Variants in CLN6 observed in about 807,000 individuals in gnomAD.
CLN6 encodes CLN6 transmembrane ER protein, also known as ceroid-lipofuscinosis neuronal protein 6.
A neutral mutation model predicts 33.3 loss-of-function variants in CLN6; 22 were observed. That is an observed-to-expected ratio of 0.66 (90% CI 0.47 to 0.94). The LOEUF is 0.94. Among genes scored for constraint, CLN6 ranks in the 40% least tolerant of loss-of-function variants. The pLI, the probability that CLN6 is intolerant of heterozygous loss-of-function variation, is 0.00. For missense variants in CLN6, 387 were observed against 417.1 expected, an observed-to-expected ratio of 0.93 and a Z score of 0.63; for synonymous variants, 201 against 174.6, an observed-to-expected ratio of 1.15 and a Z score of -1.19.
Position 68,209,051 on chromosome 15 carries a change from G to A in CLN6, c.665+586C>T, listed in dbSNP as rs2141136716. On this transcript the variant is annotated intron_variant, in intron 6 of 6. Transcript: ENST00000249806. This position sits in a 1 kb window ranked among gnomAD's most constrained non-coding sequence, Gnocchi z 4.9. The stretch of plus-strand genomic sequence containing the variant: ...CCCAGGGTGACCTGTCTCCAGGGCA[G>A]AAGTGACAGACGAGGGCTAGGAGAC... Among the ~76,000 whole-genome samples, 1 of 152,326 alleles carries A rather than the reference G, an allele frequency of 6.6e-6. No homozygotes were observed. Among genetic ancestry groups the A allele is most frequent in the Middle Eastern group, 3.4e-3 (1 of 294 alleles).
intron 2 of CLN6, chr15:68,215,505 T>G (rs2093218307): frequency 6.6e-6 from 1 of 152,116 alleles, no homozygotes; most frequent in Non-Finnish European, 1.5e-5. Flanking sequence ...TTTTTTTTTC[T>G]TTTTTCTTTT....
rs2093204196 is a variant in CLN6 at position 68,211,269 on chromosome 15, C to T, written c.536G>A (p.Cys179Tyr). Residue 179 changes from cysteine (C) to tyrosine (Y), a missense_variant, in exon 5 of 7, where the codon TGC becomes TAC. By Grantham distance (194) the Cys-to-Tyr change is radical. Transcript: ENST00000249806. The surrounding 1 kb of genome is among the most constrained non-coding windows in gnomAD (Gnocchi z 5.9). ...AGATGGGCCCATCACTCACCACATG[C>T]AGTGACCCAGGTACTCATCATAATA... is the stretch of plus-strand genomic sequence containing the variant. ...LYYYDEYLGH[C>Y]MWYIPFFLIL... The T allele has an allele frequency of 1.2e-6, 2 of 1,613,906 alleles. No homozygotes were observed. The highest frequency in any genetic ancestry group is 1.7e-5 in the Admixed American group (1 of 60,012).
intron 1 of CLN6, chr15:68,254,957 T>A (rs1892419260): frequency 1.1e-6 from 1 of 899,884 alleles, no homozygotes; most frequent in Non-Finnish European, 1.8e-6. Context: ...CAGTTTGAAA[T>A]GCTATTTTTT....
Position 68,209,498 on chromosome 15 carries a change from T to A in CLN6, c.665+139A>T. The A allele has an allele frequency of 2.5e-6, 3 of 1,210,712 alleles. No homozygotes were observed. Among genetic ancestry groups the A allele is most frequent in the Non-Finnish European group, 3.6e-6 (3 of 834,356 alleles). 75.0% of individuals were successfully genotyped at this position (1,210,712 alleles called of 1,614,324 possible). ...CACAGGGCATTGTCACAGTCCCCAC[T>A]AGACACAAGAAGAAGCACGGGCCCA... On this transcript the variant is annotated intron_variant, in intron 6 of 6. Transcript: ENST00000249806. This position sits in a 1 kb window ranked among gnomAD's most constrained non-coding sequence, Gnocchi z 4.9.
chr15:68,253,949 C>G (rs949730622), intron 1 of CLN6, among the ~76,000 whole-genome samples: 1 of 150,636 alleles, frequency 6.6e-6, no homozygotes, highest in Non-Finnish European at 1.5e-5. Context: ...CTTGCAGTGG[C>G]TCACTGCAAG....
At chr15:68,217,067 A>G (rs913186451) in intron 2 of CLN6, among the ~76,000 whole-genome samples, 18 of 152,268 alleles carry the variant, frequency 1.2e-4, no homozygotes, top group African/African-American at 4.1e-4. Flanking sequence ...AGAGCTTAGA[A>G]CAGAGTAAAC....
At chr15:68,222,430 G>A (rs1430270931) in intron 1 of CLN6, among the ~76,000 whole-genome samples, 1 of 146,114 alleles carries the variant, frequency 6.8e-6, no homozygotes, top group East Asian at 2.1e-4. Context: ...GATGTGAGGA[G>A]CGCCTCTGCC....
chr15:68,238,393 CT>C (rs1250116638), intron 1 of CLN6, among the ~76,000 whole-genome samples: 10 of 151,206 alleles, frequency 6.6e-5, no homozygotes, highest in African/African-American at 2.4e-4. Context: ...CAGAGTGAGA[CT>C]CTGTCTCAAA....
rs1449275851 is a variant in CLN6 at position 68,242,641 on chromosome 15, T to C, written c.179+14049A>G. Among the ~76,000 whole-genome samples the C allele has an allele frequency of 6.6e-6, 1 of 152,240 alleles. No homozygotes were observed. The highest frequency in any genetic ancestry group is 1.5e-5 in the Non-Finnish European group (1 of 68,042). On this transcript the variant is annotated intron_variant, in intron 1 of 6. Transcript: ENST00000538696. This position sits in a 1 kb window ranked among gnomAD's most constrained non-coding sequence, Gnocchi z 5.0. Reference sequence around the variant, plus strand: ...TAATGCCTTTTTGTTCACGTGACTTTAGTAACCTTTTGGAAATAAAGACAG... The same window carrying C: ...TAATGCCTTTTTGTTCACGTGACTTCAGTAACCTTTTGGAAATAAAGACAG...
rs8025947 is a variant in CLN6 at position 68,218,432 on chromosome 15, A to G, written c.198+104T>C. 449,049 of 841,062 alleles carry G rather than the reference A, an allele frequency of 0.53. 123,602 individuals carry two copies. Among genetic ancestry groups the G allele is most frequent in the African/African-American group, 0.64 (38,163 of 60,092 alleles). 52.1% of individuals were successfully genotyped at this position (841,062 alleles called of 1,614,324 possible). A position where few individuals can be genotyped will look rare whatever the true frequency, so the allele number is the denominator to read the frequency against. On this transcript the variant is annotated intron_variant, in intron 2 of 6. Transcript: ENST00000249806. ...TCCAGGCCTATTCTCTCAGTTTACTAGGAGATAAAGGAGAAGTGACTTGTC... is the reference window on the plus strand; with the variant it reads ...TCCAGGCCTATTCTCTCAGTTTACTGGGAGATAAAGGAGAAGTGACTTGTC...
chr15:68,216,166 A>G (rs1042127342), intron 2 of CLN6, among the ~76,000 whole-genome samples: 14 of 152,272 alleles, frequency 9.2e-5, no homozygotes, highest in African/African-American at 3.1e-4. Context: ...ATGCCAGTAG[A>G]AGCTGGGTCC....
Position 68,235,773 on chromosome 15 carries a change from C to G in CLN6, c.180-17123G>C, listed in dbSNP as rs558311834. On this transcript the variant is annotated intron_variant, in intron 1 of 6. Coordinates refer to the CLN6 transcript ENST00000538696. ...AAATGTACATGCTATTTGGGGTTTA[C>G]TCTCCTGCTTAGGTCCTTGGAACCC... 1.2e-4 allele frequency among the ~76,000 whole-genome samples: 18 copies of G among 152,160 alleles called. No individual in the cohort carries two copies. In the South Asian group the frequency reaches 3.7e-3, roughly 32 times the overall value.
At position 68,209,123 on chromosome 15, in the gene CLN6, GGGAAC is replaced by G. The variant is rs2093197059; in HGVS notation, c.665+509_665+513del. On this transcript the variant is annotated intron_variant, in intron 6 of 6. Coordinates refer to ENST00000249806, the MANE Select transcript of CLN6 (RefSeq NM_017882.3). This position sits in a 1 kb window ranked among gnomAD's most constrained non-coding sequence, Gnocchi z 4.9. ...GCAATGGGAAGAAGAGAGAGCCAGA[GGGAAC>G]AAAGACCCAAGGCCAGAAGCCCCTA... Among the ~76,000 whole-genome samples, 1 of 152,220 alleles carries G rather than the reference GGGAAC, an allele frequency of 6.6e-6. No homozygotes were observed. Among genetic ancestry groups the G allele is most frequent in the Non-Finnish European group, 1.5e-5 (1 of 68,038 alleles).
rs933890256 is a variant in CLN6 at position 68,247,400 on chromosome 15, C to T, written c.179+9290G>A. On this transcript the variant is annotated intron_variant, in intron 1 of 6. Coordinates refer to the CLN6 transcript ENST00000538696. The surrounding 1 kb of genome is among the most constrained non-coding windows in gnomAD (Gnocchi z 4.2). Reference sequence around the variant, plus strand: ...AGAGGAAGAAATCAAGAAGGCAATCCCATTTATAATAGCTGCAAAAACAAA... The same window carrying T: ...AGAGGAAGAAATCAAGAAGGCAATCTCATTTATAATAGCTGCAAAAACAAA... 1.3e-5 allele frequency among the ~76,000 whole-genome samples: 2 copies of T among 151,928 alleles called. No individual in the cohort carries two copies. Among genetic ancestry groups the T allele is most frequent in the Admixed American group, 1.3e-4 (2 of 15,258 alleles).
chr15:68,212,174 C>T, intron 3 of CLN6: 1 of 392,564 alleles, frequency 2.5e-6, no homozygotes, highest in Non-Finnish European at 4.8e-6. Context: ...GCCTTCAGTG[C>T]AGGAGTCCAG....
In CLN6 at chr15:68,208,463, T is replaced by G; in HGVS notation, c.666-53A>C. 2 of 1,603,884 alleles carry G rather than the reference T, an allele frequency of 1.2e-6. No homozygotes were observed. The highest frequency in any genetic ancestry group is 1.7e-6 in the Non-Finnish European group (2 of 1,175,498). Reference sequence around the variant, plus strand: ...GCTGCCGTGGCAACCCCGTCCTGCCTGGCATCCCTTCCTGTGTGCGAGAGC... The same window carrying G: ...GCTGCCGTGGCAACCCCGTCCTGCCGGGCATCCCTTCCTGTGTGCGAGAGC... On this transcript the variant is annotated intron_variant, in intron 6 of 6. Coordinates refer to ENST00000249806, the MANE Select transcript of CLN6 (RefSeq NM_017882.3). The surrounding 1 kb of genome is among the most constrained non-coding windows in gnomAD (Gnocchi z 5.8).
chr15:68,230,455 A>G (rs1014584695), upstream of CLN6, among the ~76,000 whole-genome samples: 2 of 152,180 alleles, frequency 1.3e-5, no homozygotes, highest in Non-Finnish European at 2.9e-5. The surrounding 1 kb of genome is among the most constrained non-coding windows in gnomAD (Gnocchi z 4.0). Flanking sequence ...TCACCGGAGC[A>G]TACAAGACAG....
chr15:68,250,221 C>A (rs530748513), intron 1 of CLN6, among the ~76,000 whole-genome samples: 1 of 151,936 alleles, frequency 6.6e-6, no homozygotes, highest in Non-Finnish European at 1.5e-5. Context: ...AAAATATGTA[C>A]ATCTATTATA....
intron 1 of CLN6, among the ~76,000 whole-genome samples, chr15:68,249,078 C>G (rs1313247906): frequency 1.3e-5 from 2 of 152,164 alleles, no homozygotes; most frequent in Non-Finnish European, 2.9e-5. Context: ...TTAAAATGCT[C>G]AACATCACTA....
Sources: gnomAD v4.1 joint callset for allele counts (sites outside exome capture counted in the v4.1 genomes callset) on GRCh38, gnomAD v4.1.1 for gene constraint, Gnocchi (gnomAD v3.1) non-coding constraint, MANE v1.5 for transcripts, NCBI Gene and HGNC (gene_info 2026-07-23, HGNC 2026-07-21) for gene names.